The following CBLN2 variants were observed in gnomAD, a reference collection of about 807,000 sequenced individuals.
CBLN2 encodes the protein cerebellin-2.
In CBLN2, 7 loss-of-function variants were observed where a neutral mutation model predicts 15.0. The observed-to-expected ratio is 0.47, with a 90% CI of 0.27 to 0.88. The LOEUF is 0.88. Ranked by LOEUF, CBLN2 falls within the 40% of genes least tolerant of loss-of-function variation. CBLN2 has a pLI of 0.14. For missense variants in CBLN2, 242 were observed against 304.5 expected, an observed-to-expected ratio of 0.79 and a Z score of 1.53; for synonymous variants, 149 against 135.2, an observed-to-expected ratio of 1.10 and a Z score of -0.71.
intron 1 of CBLN2, chr18:72,618,574 G>A: frequency 1.2e-6 from 1 of 835,676 alleles, no homozygotes; most frequent in Non-Finnish European, 2.0e-6. Flanking sequence ...CCACTTAACT[G>A]TGAAAAGTAT....
chr18:72,578,457 A>G (rs1306714018), intron 1 of CBLN2, among the ~76,000 whole-genome samples: 1 of 152,208 alleles, frequency 6.6e-6, no homozygotes, highest in Non-Finnish European at 1.5e-5. Context: ...CATAAGGAAA[A>G]AAACAAGGAT....
At chr18:72,612,139 T>C (rs1173169738) in intron 1 of CBLN2, among the ~76,000 whole-genome samples, 1 of 152,220 alleles carries the variant, frequency 6.6e-6, no homozygotes, top group Non-Finnish European at 1.5e-5. Context: ...TTTTGGTTAC[T>C]GTAGCCCTGT....
chr18:72,616,319 C>T (rs2069661798), intron 1 of CBLN2, among the ~76,000 whole-genome samples: 1 of 152,184 alleles, frequency 6.6e-6, no homozygotes, highest in South Asian at 2.1e-4. Context: ...GTTCCTACTA[C>T]CGTTGCCTGA....
At chr18:72,567,341 A>G (rs1340024733) in intron 1 of CBLN2, among the ~76,000 whole-genome samples, 2 of 152,194 alleles carry the variant, frequency 1.3e-5, no homozygotes, top group African/African-American at 4.8e-5. Flanking sequence ...TATGTATTCT[A>G]TGAAAGTCCA....
chr18:72,618,643 C>T (rs1011780444), intron 1 of CBLN2: 11 of 958,784 alleles, frequency 1.1e-5, no homozygotes, highest in African/African-American at 1.6e-5. Flanking sequence ...TTATTTTGAA[C>T]AGTCTGGAAA....
Position 72,538,128 on chromosome 18 carries a change from G to C in CBLN2, c.*48C>G. 6.3e-7 allele frequency: 1 copy of C among 1,597,114 alleles called. No individual in the cohort carries two copies. Among genetic ancestry groups the C allele is most frequent in the South Asian group, 1.1e-5 (1 of 90,618 alleles). Reference sequence around the variant, plus strand: ...AGTTCAGGGTGTTTTAAAGGGCGGAGTCCTGGGTCCAGTTTGCCATTCCCC... The same window carrying C: ...AGTTCAGGGTGTTTTAAAGGGCGGACTCCTGGGTCCAGTTTGCCATTCCCC... On this transcript the variant is annotated 3_prime_UTR_variant, in exon 5 of 5. Transcript: ENST00000269503.
chr18:72,571,401 C>T (rs2069331334), intron 1 of CBLN2, among the ~76,000 whole-genome samples: 1 of 151,164 alleles, frequency 6.6e-6, no homozygotes, highest in Non-Finnish European at 1.5e-5. Flanking sequence ...GATGGAGAAG[C>T]CAGAAAAAAA....
At chr18:72,636,900 T>C (rs1001168422) in intron 1 of CBLN2, among the ~76,000 whole-genome samples, 72 of 152,152 alleles carry the variant, frequency 4.7e-4, no homozygotes, top group African/African-American at 1.7e-3. Flanking sequence ...AAATTGGCCT[T>C]GGATTTTCAC....
intron 1 of CBLN2, among the ~76,000 whole-genome samples, chr18:72,599,097 G>T (rs955938771): frequency 2.0e-5 from 3 of 152,094 alleles, no homozygotes; most frequent in Non-Finnish European, 2.9e-5. Flanking sequence ...CCTGTTGGGG[G>T]AACAATTTCT....
At chr18:72,573,501 C>T (rs899606661) in intron 1 of CBLN2, among the ~76,000 whole-genome samples, 1 of 152,066 alleles carries the variant, frequency 6.6e-6, no homozygotes, top group Non-Finnish European at 1.5e-5. Context: ...CTACATTTTG[C>T]CTTTTATTAG....
intron 1 of CBLN2, among the ~76,000 whole-genome samples, chr18:72,555,572 A>G (rs949801557): frequency 6.6e-6 from 1 of 152,182 alleles, no homozygotes; most frequent in African/African-American, 2.4e-5. Context: ...TAATTTATGA[A>G]TTATAGAATT....
At chr18:72,600,154 G>A (rs2144941302) in intron 1 of CBLN2, among the ~76,000 whole-genome samples, 1 of 152,296 alleles carries the variant, frequency 6.6e-6, no homozygotes, top group Middle Eastern at 3.4e-3. Flanking sequence ...AGTAATGTGA[G>A]TTGATCTTCC....
chr18:72,549,943 G>T (rs549082028), intron 1 of CBLN2, among the ~76,000 whole-genome samples: 1 of 152,242 alleles, frequency 6.6e-6, no homozygotes, highest in South Asian at 2.1e-4. Context: ...TGGGTCAAAG[G>T]TATTGCGGTT....
At chr18:72,560,573 A>T (rs1319724814) in intron 1 of CBLN2, among the ~76,000 whole-genome samples, 1 of 152,238 alleles carries the variant, frequency 6.6e-6, no homozygotes, top group Non-Finnish European at 1.5e-5. Context: ...ATACAGCAGC[A>T]GAGTTGAGTG....
chr18:72,543,450 T>C lies in CBLN2; in HGVS notation c.-167+36A>G, dbSNP rs893045009. The C allele has an allele frequency of 1.0e-5, 4 of 398,484 alleles. No homozygotes were observed. In the Admixed American group the frequency reaches 1.3e-4, roughly 13 times the overall value. The allele number at this position is 398,484 out of a possible 1,614,324, so 24.7% of individuals were successfully genotyped here. A position where few individuals can be genotyped will look rare whatever the true frequency, so the allele number is the denominator to read the frequency against. On this transcript the variant is annotated intron_variant, in intron 2 of 4. Coordinates refer to ENST00000269503, the MANE Select transcript of CBLN2 (RefSeq NM_182511.4). The surrounding 1 kb of genome is among the most constrained non-coding windows in gnomAD (Gnocchi z 6.8). ...CGTTAAAATCCACGCAGAAGGCGCT[T>C]GCATGCGGAGGGGAGGGCAGGTCGG...
chr18:72,581,916 ACTT>A (rs2069408392), intron 1 of CBLN2, among the ~76,000 whole-genome samples: 1 of 152,058 alleles, frequency 6.6e-6, no homozygotes, highest in South Asian at 2.1e-4. Flanking sequence ...TGGGTTTCAG[ACTT>A]CTTCTGTCCA....
At chr18:72,588,060 T>C (rs993915995) in intron 1 of CBLN2, among the ~76,000 whole-genome samples, 2 of 152,248 alleles carry the variant, frequency 1.3e-5, no homozygotes, top group African/African-American at 4.8e-5. Context: ...TTATGTAAGT[T>C]GGCTCATTTA....
chr18:72,537,130 A>C lies in CBLN2; in HGVS notation c.*1046T>G, dbSNP rs1480159300. The C allele has an allele frequency of 6.6e-6, 1 of 152,172 alleles. No homozygotes were observed. The highest frequency in any genetic ancestry group is 1.5e-5 in the Non-Finnish European group (1 of 68,050). The allele number at this position is 152,172 out of a possible 1,614,324, so 9.4% of individuals were successfully genotyped here. A position where few individuals can be genotyped will look rare whatever the true frequency, so the allele number is the denominator to read the frequency against. On this transcript the variant is annotated 3_prime_UTR_variant, in exon 5 of 5. Coordinates refer to ENST00000269503, the MANE Select transcript of CBLN2 (RefSeq NM_182511.4). ...AAATCACCCACAGAGAAGTCACAGC[A>C]CACGTGGCAAAGACATAGTATGTTT...
chr18:72,628,631 A>G (rs2144976184), intron 1 of CBLN2, among the ~76,000 whole-genome samples: 1 of 152,336 alleles, frequency 6.6e-6, no homozygotes, highest in Middle Eastern at 3.4e-3. Flanking sequence ...CCAAAGGGAC[A>G]TGTCAACAGC....
Sources: allele counts gnomAD v4.1 joint callset (sites outside exome capture counted in the v4.1 genomes callset), GRCh38; gene constraint gnomAD v4.1.1; non-coding constraint Gnocchi (gnomAD v3.1); transcripts MANE v1.5; gene names NCBI Gene and HGNC (gene_info 2026-07-23, HGNC 2026-07-21).